Variants in RNF216 observed in about 807,000 individuals in gnomAD.
RNF216 encodes the protein E3 ubiquitin-protein ligase RNF216.
RNF216 carries 72 observed loss-of-function variants against 110.8 expected under a neutral mutation model. The observed-to-expected ratio is 0.65, with a 90% CI of 0.54 to 0.79. The LOEUF is 0.79. Among genes scored for constraint, RNF216 ranks in the 30% least tolerant of loss-of-function variants. The pLI is 0.00. For missense variants in RNF216, 1,342 were observed against 1,141.2 expected (o/e 1.18, Z -2.54); for synonymous variants, 495 against 407.5 (o/e 1.21, Z -2.59).
chr7:5,653,473 C>T (rs949452003), intron 13 of RNF216, among the ~76,000 whole-genome samples: 22 of 151,500 alleles, frequency 1.5e-4, no homozygotes, highest in African/African-American at 5.3e-4. Flanking sequence ...TGGTGGCAGG[C>T]GCCTGTAGTC....
At chr7:5,674,763 AGGTT>A (rs1790160793) in intron 13 of RNF216, among the ~76,000 whole-genome samples, 1 of 152,180 alleles carries the variant, frequency 6.6e-6, no homozygotes. Context: ...TAGGAGGCCG[AGGTT>A]GGCAGATCAC....
intron 13 of RNF216, among the ~76,000 whole-genome samples, chr7:5,660,098 A>G (rs928895442): frequency 7.5e-4 from 114 of 151,144 alleles, no homozygotes; most frequent in African/African-American, 2.6e-3. Context: ...CGGACTATGA[A>G]CACGTGCCAC....
chr7:5,627,607 C>T (rs1786791767), intron 15 of RNF216, among the ~76,000 whole-genome samples: 1 of 152,002 alleles, frequency 6.6e-6, no homozygotes, highest in Non-Finnish European at 1.5e-5. Context: ...ATTAGCTGAG[C>T]GTGGTGGTAC....
intron 13 of RNF216, among the ~76,000 whole-genome samples, chr7:5,700,590 A>G (rs922933106): frequency 3.3e-5 from 5 of 152,240 alleles, no homozygotes; most frequent in African/African-American, 1.2e-4. Context: ...AAGCCTGAGA[A>G]GCAATAGCTA....
intron 13 of RNF216, among the ~76,000 whole-genome samples, chr7:5,668,954 C>T (rs887219340): frequency 2.6e-5 from 4 of 152,224 alleles, no homozygotes; most frequent in East Asian, 1.9e-4. Context: ...CCCCACAGGG[C>T]TCTTATCCAG....
chr7:5,646,977 A>G (rs562632906), intron 14 of RNF216, among the ~76,000 whole-genome samples: 1 of 152,278 alleles, frequency 6.6e-6, no homozygotes, highest in East Asian at 1.9e-4. Flanking sequence ...AGCCCTAGAC[A>G]TGTACGTAGT....
chr7:5,703,459 T>C (rs1792097576), intron 13 of RNF216, among the ~76,000 whole-genome samples: 2 of 152,260 alleles, frequency 1.3e-5, no homozygotes, highest in South Asian at 4.1e-4. Context: ...CACGCAGCCA[T>C]GCAGCTACTG....
At chr7:5,704,691 A>G (rs1792178818) in intron 13 of RNF216, among the ~76,000 whole-genome samples, 1 of 152,218 alleles carries the variant, frequency 6.6e-6, no homozygotes, top group African/African-American at 2.4e-5. Context: ...AAATAAGGAC[A>G]GAAGATTAGG....
intron 13 of RNF216, among the ~76,000 whole-genome samples, chr7:5,670,977 T>G (rs1310826884): frequency 6.6e-6 from 1 of 152,180 alleles, no homozygotes; most frequent in Non-Finnish European, 1.5e-5. Context: ...TGTGAACTGC[T>G]TGGTTCCGGG....
chr7:5,721,113 A>T lies in RNF216; in HGVS notation c.1564T>A (p.Ser522Thr). 6.2e-7 allele frequency: 1 copy of T among 1,613,988 alleles called. No homozygotes were observed. Among genetic ancestry groups the T allele is most frequent in the Non-Finnish European group, 8.5e-7 (1 of 1,179,860 alleles). ...GGAAGGAGAGCACGTCGGTCATAGG[A>T]CCTACAATGTCGTCGCTTATTTTCA... ...FLENKRRHCR[S>T]YDRRALLPAV... Residue 522 changes from serine to threonine, a missense_variant, in exon 9 of 17, where the codon TCC becomes ACC. Ser to Thr is a moderately conservative substitution (Grantham distance 58, BLOSUM62 1). Transcript: ENST00000389902.
At position 5,680,657 on chromosome 7, in the gene RNF216, C is replaced by T. The variant is rs977643941; in HGVS notation, c.2062-28147G>A. Among the ~76,000 whole-genome samples the T allele has an allele frequency of 1.3e-5, 2 of 152,064 alleles. No homozygotes were observed. The highest frequency in any genetic ancestry group is 1.9e-4 in the East Asian group (1 of 5,178). On this transcript the variant is annotated intron_variant, in intron 13 of 16. Coordinates refer to ENST00000389902, the MANE Select transcript of RNF216 (RefSeq NM_207111.4). This position sits in a 1 kb window ranked among gnomAD's most constrained non-coding sequence, Gnocchi z 4.3. ...GACCTTGTGATCTGCCCGACTCGGCCTCCCAAAGTGCTGGGATTACAGGTG... is the reference window on the plus strand; with the variant it reads ...GACCTTGTGATCTGCCCGACTCGGCTTCCCAAAGTGCTGGGATTACAGGTG...
chr7:5,652,400 TTC>T lies in RNF216; in HGVS notation c.2159+11_2159+12del. 6.3e-7 allele frequency: 1 copy of T among 1,581,492 alleles called. No individual in the cohort carries two copies. The highest frequency in any genetic ancestry group is 8.7e-7 in the Non-Finnish European group (1 of 1,150,472). ...AGAATCAGCCCATAGCCCCTCTGAA[TTC>T]TGTTACTCACATAGAGGTACGGTAC... On this transcript the variant is annotated intron_variant, in intron 14 of 16. Coordinates refer to ENST00000389902, the MANE Select transcript of RNF216 (RefSeq NM_207111.4).
At chr7:5,632,523 G>A (rs1352370604) in intron 15 of RNF216, among the ~76,000 whole-genome samples, 2 of 152,214 alleles carry the variant, frequency 1.3e-5, no homozygotes, top group Non-Finnish European at 2.9e-5. Context: ...GCGTAATGAT[G>A]TGTCAGGCCA....
rs773639292 is a variant in RNF216 at position 5,688,532 on chromosome 7, C to G, written c.2061+23229G>C. The stretch of plus-strand genomic sequence containing the variant: ...AAGCAAAAACTCCCCTCTTGTCAAG[C>G]CTTCCTGTAGCAGTTTGTGTTTCAT... On this transcript the variant is annotated intron_variant, in intron 13 of 16. Transcript: ENST00000389902. Among the ~76,000 whole-genome samples the G allele has an allele frequency of 2.6e-5, 4 of 152,200 alleles. No homozygotes were observed. In the South Asian group the frequency reaches 8.3e-4, roughly 32 times the overall value.
chr7:5,654,831 G>A (rs1562793872), intron 13 of RNF216, among the ~76,000 whole-genome samples: 3 of 151,674 alleles, frequency 2.0e-5, no homozygotes, highest in Non-Finnish European at 4.4e-5. Flanking sequence ...ATCCCATTCA[G>A]TAAACAAAGG....
intron 13 of RNF216, among the ~76,000 whole-genome samples, chr7:5,659,315 G>T (rs948988803): frequency 6.6e-6 from 1 of 152,166 alleles, no homozygotes; most frequent in African/African-American, 2.4e-5. Context: ...GAAAAACACA[G>T]ATATTAACTG....
chr7:5,698,732 G>C (rs1791785581), intron 13 of RNF216, among the ~76,000 whole-genome samples: 1 of 152,140 alleles, frequency 6.6e-6, no homozygotes, highest in African/African-American at 2.4e-5. Context: ...TGTTTTCCCA[G>C]AGAAGCTGGA....
At chr7:5,677,170 T>A (rs1030555247) in intron 13 of RNF216, among the ~76,000 whole-genome samples, 1 of 152,238 alleles carries the variant, frequency 6.6e-6, no homozygotes, top group East Asian at 1.9e-4. Context: ...TAATTCTAAT[T>A]TGTCCAGGTG....
At chr7:5,781,144 C>A (rs192326556) in intron 1 of RNF216, among the ~76,000 whole-genome samples, 118 of 152,316 alleles carry the variant, frequency 7.7e-4, no homozygotes, top group Non-Finnish European at 1.4e-3. Context: ...CGGCCCGCCT[C>A]CCGCCGCTCC....
Sources: allele counts gnomAD v4.1 joint callset (sites outside exome capture counted in the v4.1 genomes callset), GRCh38; gene constraint gnomAD v4.1.1; non-coding constraint Gnocchi (gnomAD v3.1); transcripts MANE v1.5; gene names NCBI Gene and HGNC (gene_info 2026-07-23, HGNC 2026-07-21).